The following LIPA variants were observed in gnomAD, a reference collection of about 807,000 sequenced individuals.
LIPA encodes lipase A, lysosomal acid type, also known as lysosomal acid lipase/cholesteryl ester hydrolase.
LIPA carries 26 observed loss-of-function variants against 40.6 expected under a neutral mutation model. The ratio of observed to expected loss-of-function variants is 0.64; its 90% confidence interval spans 0.47 to 0.89. LIPA has a LOEUF of 0.89. Among genes scored for constraint, LIPA ranks in the 40% least tolerant of loss-of-function variants. The probability of loss-of-function intolerance (pLI) is 0.00; values close to 1 mark genes in which losing one functional copy is unlikely to be tolerated. For missense variants in LIPA, 455 were observed against 479.6 expected (o/e 0.95, Z 0.48); for synonymous variants, 188 against 168.4 (o/e 1.12, Z -0.90).
chr10:89,348,488 T>C (rs1037475579), intron 2 of LIPA, among the ~76,000 whole-genome samples: 1 of 152,238 alleles, frequency 6.6e-6, no homozygotes, highest in Non-Finnish European at 1.5e-5. Context: ...ATGCTCACAT[T>C]GTCTGCTACT....
chr10:89,234,338 A>G (rs1027236242), intron 3 of LIPA, among the ~76,000 whole-genome samples: 1 of 152,212 alleles, frequency 6.6e-6, no homozygotes, highest in Non-Finnish European at 1.5e-5. Flanking sequence ...CATGGGGTGC[A>G]CATCTTTCCA....
chr10:89,306,685 C>T (rs190103711), intron 1 of LIPA: 1 of 1,613,968 alleles, frequency 6.2e-7, no homozygotes, highest in Admixed American at 1.7e-5. Context: ...TGGAGAAAGC[C>T]CCAGGTGTAA....
rs1423914418 is a variant in LIPA, at chr10:89,228,242, T to G, written c.386A>C (p.His129Pro). ...NSRGNTWSRK[H>P]KTLSVSQDEF... ...ATCCTGAGAAACTGAGAGTGTCTTA[T>G]GTTTCCGAGACCAGGTATTTCCTCT... Residue 129 changes from histidine (H) to proline (P), a missense_variant, in exon 4 of 10, where the codon CAT becomes CCT. Transcript: ENST00000336233. The G allele has an allele frequency of 6.2e-7, 1 of 1,614,196 alleles. No homozygotes were observed. Among genetic ancestry groups the G allele is most frequent in the Non-Finnish European group, 8.5e-7 (1 of 1,180,032 alleles).
At chr10:89,325,559 T>C (rs1204693965) in intron 1 of LIPA, among the ~76,000 whole-genome samples, 1 of 152,206 alleles carries the variant, frequency 6.6e-6, no homozygotes, top group Non-Finnish European at 1.5e-5. Context: ...ATCATGTCCT[T>C]TGCAGTAATG....
Position 89,225,129 on chromosome 10 carries a change from A to G in LIPA, c.638T>C (p.Met213Thr). The G allele has an allele frequency of 1.9e-6, 3 of 1,614,200 alleles. No individual in the cohort carries two copies. Among genetic ancestry groups the G allele is most frequent in the Non-Finnish European group, 2.5e-6 (3 of 1,180,016 alleles). ...VASVAFCTSP[M>T]AKLGRLPDHL... is the part of the protein sequence containing the mutation. ...ATCTGGTAATCGTCCTAATTTGGCCATAGGGCTAGTACAGAAGGCGACGGA... is the reference window on the plus strand; with the variant it reads ...ATCTGGTAATCGTCCTAATTTGGCCGTAGGGCTAGTACAGAAGGCGACGGA... The change falls in exon 6 of 10, where the codon ATG becomes ACG. Residue 213 changes from methionine to threonine, a missense_variant. Transcript: ENST00000336233.
chr10:89,246,563 C>T (rs1028100148), intron 2 of LIPA, among the ~76,000 whole-genome samples: 4 of 152,308 alleles, frequency 2.6e-5, no homozygotes, highest in African/African-American at 7.2e-5. Flanking sequence ...TCAGGTCATA[C>T]TCTCCTGGCT....
chr10:89,243,239 A>C (rs1324832998), intron 3 of LIPA, among the ~76,000 whole-genome samples: 1 of 152,236 alleles, frequency 6.6e-6, no homozygotes, highest in Non-Finnish European at 1.5e-5. Flanking sequence ...GCCTCTGTCC[A>C]TGCTCTGTTT....
intron 1 of LIPA, chr10:89,306,786 T>A: frequency 6.2e-7 from 1 of 1,614,110 alleles, no homozygotes. Context: ...TTAGAATACA[T>A]ACCAAACAAT....
At chr10:89,360,947 G>GCTCT (rs1404797485) in intron 2 of LIPA, among the ~76,000 whole-genome samples, 1 of 152,092 alleles carries the variant, frequency 6.6e-6, no homozygotes, top group Non-Finnish European at 1.5e-5. Context: ...TAGGTGCCAT[G>GCTCT]CTCTCTCTTC....
At chr10:89,383,545 G>T in intron 2 of LIPA, 1 of 1,614,192 alleles carries the variant, frequency 6.2e-7, no homozygotes, top group Non-Finnish European at 8.5e-7. Flanking sequence ...CTTGAAAAAG[G>T]CTGAAGACTT....
intron 2 of LIPA, among the ~76,000 whole-genome samples, chr10:89,394,893 A>G (rs1844319176): frequency 6.6e-6 from 1 of 151,762 alleles, no homozygotes; most frequent in African/African-American, 2.4e-5. Context: ...TTCTGTCTCT[A>G]TGGATTTGCC....
chr10:89,223,997 A>C (rs921108988), intron 6 of LIPA, among the ~76,000 whole-genome samples, 167 bp from the exon 7 acceptor site: 1 of 152,256 alleles, frequency 6.6e-6, no homozygotes, highest in African/African-American at 2.4e-5. Flanking sequence ...GCACAAGTTT[A>C]CCAAAGCAAA....
chr10:89,406,799 G>A lies in LIPA; in HGVS notation c.61+5992C>T, dbSNP rs577849438. On this transcript the variant is annotated intron_variant, in intron 2 of 8. Transcript: ENST00000371837. ...CCGCAGCTTCATTCTTGAAGTCAGC[G>A]AGACCAAGAACCCACTGGAAGGAAC... 1.7e-4 allele frequency among the ~76,000 whole-genome samples: 26 copies of A among 152,262 alleles called. No individual in the cohort carries two copies. The South Asian group carries it at 4.1e-3, about 24-fold the overall frequency.
At chr10:89,272,708 C>T (rs1564773594) in intron 1 of LIPA, among the ~76,000 whole-genome samples, 1 of 152,212 alleles carries the variant, frequency 6.6e-6, no homozygotes, top group Non-Finnish European at 1.5e-5. Flanking sequence ...TTTACACTCC[C>T]ACCAACAGTG....
At chr10:89,221,081 A>G (rs549737259) in intron 8 of LIPA, among the ~76,000 whole-genome samples, 159 of 152,210 alleles carry the variant, frequency 1.0e-3, no homozygotes, top group African/African-American at 3.7e-3. Flanking sequence ...GGTATCACAA[A>G]GGGGCAGCAG....
At chr10:89,322,908 C>A (rs1266457611) in intron 1 of LIPA, among the ~76,000 whole-genome samples, 7 of 152,182 alleles carry the variant, frequency 4.6e-5, no homozygotes, top group Non-Finnish European at 7.3e-5. Context: ...GCCAGGCAGG[C>A]AACACTTGCT....
upstream of LIPA, among the ~76,000 whole-genome samples, chr10:89,254,152 C>T (rs1471870681): frequency 1.3e-5 from 2 of 152,238 alleles, no homozygotes; most frequent in Admixed American, 6.5e-5. Context: ...CCATTGGGGA[C>T]TCTGTGTGAG....
At chr10:89,231,070 G>A (rs1433168665) in intron 3 of LIPA, among the ~76,000 whole-genome samples, 1 of 151,982 alleles carries the variant, frequency 6.6e-6, no homozygotes, top group East Asian at 1.9e-4. Context: ...ACCATGACAA[G>A]GACAGTGACA....
chr10:89,413,394 G>A (rs1841493077), intron 1 of LIPA, among the ~76,000 whole-genome samples: 1 of 151,982 alleles, frequency 6.6e-6, no homozygotes. Flanking sequence ...TGAGGGGTGG[G>A]GTGCCAGAAG....
Sources: gnomAD v4.1 joint callset for allele counts (sites outside exome capture counted in the v4.1 genomes callset) on GRCh38, gnomAD v4.1.1 for gene constraint, MANE v1.5 for transcripts, NCBI Gene and HGNC (gene_info 2026-07-23, HGNC 2026-07-21) for gene names.